STX8: variants seen among roughly 807,000 people sequenced by gnomAD.
The protein encoded by STX8 is syntaxin-8.
In STX8, 23 loss-of-function variants were observed where a neutral mutation model predicts 37.5. That is an observed-to-expected ratio of 0.61 (90% CI 0.44 to 0.87). The LOEUF is 0.87. Ranked by LOEUF, STX8 falls within the 40% of genes least tolerant of loss-of-function variation. The probability of loss-of-function intolerance (pLI) is 0.00; values close to 1 mark genes in which losing one functional copy is unlikely to be tolerated. For missense variants in STX8, 313 were observed against 284.7 expected (o/e 1.10, Z -0.71); for synonymous variants, 115 against 99.1 (o/e 1.16, Z -0.95).
At chr17:9,374,618 A>G (rs1361585640) in intron 7 of STX8, among the ~76,000 whole-genome samples, 1 of 152,168 alleles carries the variant, frequency 6.6e-6, no homozygotes, top group African/African-American at 2.4e-5. Flanking sequence ...GCATATATAA[A>G]ATGCAAAAAT....
At chr17:9,502,541 C>A (rs930549331) in intron 5 of STX8, among the ~76,000 whole-genome samples, 1 of 152,072 alleles carries the variant, frequency 6.6e-6, no homozygotes, top group African/African-American at 2.4e-5. Flanking sequence ...ACATTGCAAA[C>A]CATAAATATA....
At chr17:9,512,973 G>A (rs1905062240) in intron 4 of STX8, among the ~76,000 whole-genome samples, 1 of 152,092 alleles carries the variant, frequency 6.6e-6, no homozygotes, top group African/African-American at 2.4e-5. Context: ...TCTGGGAAAA[G>A]ATTTTATGAG....
chr17:9,474,886 C>T (rs12950057), intron 6 of STX8, among the ~76,000 whole-genome samples: 28,184 of 152,092 alleles, frequency 0.19, 2,712 homozygotes, highest in Non-Finnish European at 0.22. Context: ...GCAGGAGAAT[C>T]GCTTGAATCC....
intron 3 of STX8, among the ~76,000 whole-genome samples, chr17:9,552,567 C>A (rs1906806660): frequency 6.6e-6 from 1 of 152,164 alleles, no homozygotes. Flanking sequence ...GTAGTAATCA[C>A]CACATCTGTC....
intron 6 of STX8, among the ~76,000 whole-genome samples, chr17:9,489,518 G>A (rs1310504595): frequency 6.6e-6 from 1 of 152,090 alleles, no homozygotes; most frequent in Non-Finnish European, 1.5e-5. Context: ...ACCATCACTT[G>A]TTAGCCATCC....
At chr17:9,367,325 C>T (rs1911259684) in intron 7 of STX8, among the ~76,000 whole-genome samples, 1 of 152,124 alleles carries the variant, frequency 6.6e-6, no homozygotes, top group Non-Finnish European at 1.5e-5. Flanking sequence ...CTCAGACTCC[C>T]TTAAGAGAGG....
chr17:9,421,925 T>A (rs1052972271), intron 6 of STX8, among the ~76,000 whole-genome samples: 1 of 151,882 alleles, frequency 6.6e-6, no homozygotes, highest in African/African-American at 2.4e-5. Context: ...GCGGAGCACC[T>A]CCCCCTTTGT....
intron 5 of STX8, among the ~76,000 whole-genome samples, chr17:9,493,685 G>A (rs1906953225): frequency 6.6e-6 from 1 of 152,150 alleles, no homozygotes; most frequent in African/African-American, 2.4e-5. Context: ...CCTGAGACTT[G>A]GTGATTGCAC....
At chr17:9,519,028 A>G (rs983064993) in intron 4 of STX8, among the ~76,000 whole-genome samples, 2 of 152,136 alleles carry the variant, frequency 1.3e-5, no homozygotes, top group Non-Finnish European at 2.9e-5. Flanking sequence ...GGACAATACC[A>G]GAATCTGGAG....
chr17:9,501,787 C>T (rs1051491253), intron 5 of STX8, among the ~76,000 whole-genome samples: 7 of 151,954 alleles, frequency 4.6e-5, no homozygotes, highest in African/African-American at 1.7e-4. Context: ...GCATGGCTAA[C>T]ACGGTGAAAC....
At chr17:9,386,307 G>A (rs1474787030) in intron 6 of STX8, among the ~76,000 whole-genome samples, 1 of 152,098 alleles carries the variant, frequency 6.6e-6, no homozygotes, top group Non-Finnish European at 1.5e-5. Context: ...AAAAAGTTTT[G>A]TTGGCTAAAA....
chr17:9,528,594 C>T (rs1905675968), intron 4 of STX8, among the ~76,000 whole-genome samples: 1 of 152,158 alleles, frequency 6.6e-6, no homozygotes, highest in Admixed American at 6.5e-5. Flanking sequence ...AGGCGTGAGC[C>T]ACTGCGCCTG....
chr17:9,441,039 T>A (rs1283711882), intron 6 of STX8, among the ~76,000 whole-genome samples: 2 of 152,102 alleles, frequency 1.3e-5, no homozygotes, highest in East Asian at 3.9e-4. Context: ...CATGCTTCCT[T>A]CATCACCTCC....
intron 7 of STX8, among the ~76,000 whole-genome samples, chr17:9,304,206 CAT>C (rs1908878463): frequency 6.6e-6 from 1 of 151,932 alleles, no homozygotes; most frequent in Non-Finnish European, 1.5e-5. Context: ...CTATTTCACT[CAT>C]AAGAAAAATA....
intron 6 of STX8, among the ~76,000 whole-genome samples, chr17:9,415,538 G>A (rs777500175): frequency 2.6e-5 from 4 of 152,000 alleles, no homozygotes; most frequent in Admixed American, 6.6e-5. Flanking sequence ...TTGGGAGGCC[G>A]AGGCGGGAGG....
At chr17:9,415,984 T>C (rs757921833) in intron 6 of STX8, among the ~76,000 whole-genome samples, 62 of 152,214 alleles carry the variant, frequency 4.1e-4, no homozygotes, top group Non-Finnish European at 7.8e-4. Flanking sequence ...GTAACAGTAA[T>C]GAGTTCTCCT....
chr17:9,553,261 T>G (rs1411198665), intron 3 of STX8: 1 of 152,182 alleles, frequency 6.6e-6, no homozygotes, highest in African/African-American at 2.4e-5. Flanking sequence ...AAATTTAAAC[T>G]CTCTGACTGC....
intron 5 of STX8, among the ~76,000 whole-genome samples, chr17:9,499,269 C>T (rs1049539278): frequency 2.6e-5 from 4 of 152,190 alleles, no homozygotes; most frequent in Non-Finnish European, 2.9e-5. Context: ...CAAACAAAGC[C>T]ATAGCAACTT....
intron 3 of STX8, among the ~76,000 whole-genome samples, chr17:9,550,344 A>G (rs1230784347): frequency 6.6e-6 from 1 of 152,160 alleles, no homozygotes; most frequent in Non-Finnish European, 1.5e-5. Context: ...AAGAAAAGGA[A>G]GAGAAGAGCT....
Sources: gnomAD v4.1 joint callset for allele counts (sites outside exome capture counted in the v4.1 genomes callset) on GRCh38, gnomAD v4.1.1 for gene constraint, MANE v1.5 for transcripts, NCBI Gene and HGNC (gene_info 2026-07-23, HGNC 2026-07-21) for gene names.